ARHGAP15: variants seen among roughly 807,000 people sequenced by gnomAD.
ARHGAP15 encodes the protein rho GTPase-activating protein 15.
Under a neutral mutation model 63.7 loss-of-function variants are expected in ARHGAP15, and 51 were observed. That is an observed-to-expected ratio of 0.80 (90% CI 0.64 to 1.01). ARHGAP15 has a LOEUF of 1.01. ARHGAP15 is among the 50% of genes least tolerant of loss of function. ARHGAP15 has a pLI of 0.00. For missense variants in ARHGAP15, 560 were observed against 564.6 expected, an observed-to-expected ratio of 0.99 and a Z score of 0.08; for synonymous variants, 191 against 193.8, an observed-to-expected ratio of 0.99 and a Z score of 0.12.
At chr2:143,142,773 A>G (rs1022119883) in intron 1 of ARHGAP15, among the ~76,000 whole-genome samples, 4 of 152,064 alleles carry the variant, frequency 2.6e-5, no homozygotes, top group African/African-American at 9.7e-5. Flanking sequence ...AGTGCACAAG[A>G]TGGGGAAATG....
At chr2:143,678,853 A>G in intron 12 of ARHGAP15, among the ~76,000 whole-genome samples, 1 of 152,336 alleles carries the variant, frequency 6.6e-6, no homozygotes, top group Middle Eastern at 3.4e-3. Flanking sequence ...CCTAAAAGCA[A>G]ATGACTTTTA....
intron 2 of ARHGAP15, among the ~76,000 whole-genome samples, chr2:143,190,990 C>G (rs1225605778): frequency 6.6e-6 from 1 of 152,116 alleles, no homozygotes; most frequent in Admixed American, 6.5e-5. Flanking sequence ...AGGATGGTCT[C>G]CATCTTTTGA....
intron 9 of ARHGAP15, among the ~76,000 whole-genome samples, chr2:143,502,275 G>C (rs548760451): frequency 8.5e-5 from 13 of 152,068 alleles, no homozygotes; most frequent in African/African-American, 3.1e-4. Flanking sequence ...TGAGTGTGGT[G>C]GCAGGTGCCT....
intron 8 of ARHGAP15, among the ~76,000 whole-genome samples, chr2:143,470,594 T>C (rs1327645696): frequency 7.3e-5 from 11 of 150,610 alleles, no homozygotes; most frequent in Non-Finnish European, 1.6e-4. Flanking sequence ...CATATATATA[T>C]GCATGTGTGT....
Position 143,397,567 on chromosome 2 carries a change from ACG to A in ARHGAP15, c.475-38033_475-38032del, listed in dbSNP as rs1210282160. Among the ~76,000 whole-genome samples, 52 of 141,914 alleles carry A rather than the reference ACG, an allele frequency of 3.7e-4. No homozygotes were observed. The South Asian group carries it at 4.3e-3, about 12-fold the overall frequency. 93.1% of individuals were successfully genotyped at this position (141,914 alleles called of 152,430 possible). A position where few individuals can be genotyped will look rare whatever the true frequency, so the allele number is the denominator to read the frequency against. On this transcript the variant is annotated intron_variant, in intron 6 of 13. Coordinates refer to ENST00000295095, the MANE Select transcript of ARHGAP15 (RefSeq NM_018460.4). ...TATGTTAAAATATTGGCAAAAAAAA[ACG>A]AAGAAGAAATAAAATATAACCCTAG...
intron 10 of ARHGAP15, among the ~76,000 whole-genome samples, chr2:143,530,997 A>G (rs1049770002): frequency 8.5e-5 from 13 of 152,194 alleles, no homozygotes; most frequent in African/African-American, 2.9e-4. Flanking sequence ...GCAAAGAACA[A>G]TGTGGTGAGG....
chr2:143,754,267 A>G (rs1014205108), intron 13 of ARHGAP15, among the ~76,000 whole-genome samples: 5 of 152,210 alleles, frequency 3.3e-5, no homozygotes, highest in Non-Finnish European at 7.3e-5. Context: ...ATCTTAGTCT[A>G]TGGATACAGC....
At position 143,447,216 on chromosome 2, in the gene ARHGAP15, A is replaced by G. The variant is rs1690183521; in HGVS notation, c.703+10174A>G. Among the ~76,000 whole-genome samples, 2 of 152,220 alleles carry G rather than the reference A, an allele frequency of 1.3e-5. 1 individual carries two copies. Among genetic ancestry groups the G allele is most frequent in the South Asian group, 4.1e-4 (2 of 4,834 alleles). On this transcript the variant is annotated intron_variant, in intron 8 of 13. Coordinates refer to ENST00000295095, the MANE Select transcript of ARHGAP15 (RefSeq NM_018460.4). ...TTCTTATAGAAAATAGTAAAATAAT[A>G]CAAGGGTAGAATTTTGACAGAGAGT...
At chr2:143,222,687 T>C (rs1693045790) in intron 4 of ARHGAP15, among the ~76,000 whole-genome samples, 2 of 151,962 alleles carry the variant, frequency 1.3e-5, no homozygotes, top group Non-Finnish European at 2.9e-5. Context: ...GTTTTGGGGG[T>C]GTTTTGTTGT....
At chr2:143,707,418 C>T (rs1167164246) in intron 13 of ARHGAP15, among the ~76,000 whole-genome samples, 2 of 152,146 alleles carry the variant, frequency 1.3e-5, no homozygotes, top group African/African-American at 4.8e-5. Context: ...GAAGGGTGCT[C>T]TTTTCTCTGT....
intron 12 of ARHGAP15, among the ~76,000 whole-genome samples, chr2:143,663,682 A>G (rs1341300644): frequency 2.0e-5 from 3 of 152,148 alleles, no homozygotes. Context: ...TCTCATGTGC[A>G]GAGACACATA....
rs10170723 is a variant in ARHGAP15 at position 143,400,965 on chromosome 2, G to A, written c.475-34636G>A. On this transcript the variant is annotated intron_variant, in intron 6 of 13. Coordinates refer to ENST00000295095, the MANE Select transcript of ARHGAP15 (RefSeq NM_018460.4). ...ATTCCAAGCCTGGTAAAACCATTCC[G>A]CCTGCTAAATGATGTTATAAATATC... Among the ~76,000 whole-genome samples the A allele has an allele frequency of 1.2e-4, 18 of 151,980 alleles. No homozygotes were observed. In the South Asian group the frequency reaches 1.2e-3, roughly 11 times the overall value.
chr2:143,254,701 G>T (rs1317545949), intron 6 of ARHGAP15, among the ~76,000 whole-genome samples: 10 of 151,980 alleles, frequency 6.6e-5, no homozygotes. Context: ...TAAATATTCT[G>T]TCATGCAAAT....
chr2:143,733,731 G>T (rs1223933696), intron 13 of ARHGAP15, among the ~76,000 whole-genome samples: 1 of 152,126 alleles, frequency 6.6e-6, no homozygotes, highest in Non-Finnish European at 1.5e-5. Context: ...TAGTCTATGA[G>T]ATTATGAGGA....
intron 13 of ARHGAP15, among the ~76,000 whole-genome samples, chr2:143,725,438 A>G (rs1685233532): frequency 6.6e-6 from 1 of 152,230 alleles, no homozygotes; most frequent in Non-Finnish European, 1.5e-5. Context: ...CTGCTCTTTT[A>G]ATTCATTATG....
intron 8 of ARHGAP15, among the ~76,000 whole-genome samples, chr2:143,440,004 C>A (rs897157293): frequency 2.0e-5 from 3 of 151,594 alleles, no homozygotes; most frequent in Non-Finnish European, 4.4e-5. Flanking sequence ...GAAAATGATT[C>A]TTTTCTGTAT....
At chr2:143,197,858 T>A (rs1449929709) in intron 2 of ARHGAP15, among the ~76,000 whole-genome samples, 1 of 152,038 alleles carries the variant, frequency 6.6e-6, no homozygotes, top group Non-Finnish European at 1.5e-5. Flanking sequence ...GCATCCTGTA[T>A]AAATGTGTAC....
chr2:143,249,139 C>T (rs1024463722), intron 5 of ARHGAP15, among the ~76,000 whole-genome samples: 1 of 152,024 alleles, frequency 6.6e-6, no homozygotes, highest in East Asian at 1.9e-4. Flanking sequence ...TGATCAAAAT[C>T]TCTTTAAGGA....
At chr2:143,260,218 A>G (rs2105012631) in intron 6 of ARHGAP15, among the ~76,000 whole-genome samples, 1 of 152,294 alleles carries the variant, frequency 6.6e-6, no homozygotes, top group Non-Finnish European at 1.5e-5. Flanking sequence ...TTTGTTGAAA[A>G]TAAAATAGTT....
Sources: allele counts gnomAD v4.1 joint callset (sites outside exome capture counted in the v4.1 genomes callset), GRCh38; gene constraint gnomAD v4.1.1; transcripts MANE v1.5; gene names NCBI Gene and HGNC (gene_info 2026-07-23, HGNC 2026-07-21).